The following PTGFR variants were observed in gnomAD, a reference collection of about 807,000 sequenced individuals.
PTGFR encodes the protein prostaglandin F receptor.
PTGFR carries 15 observed loss-of-function variants against 26.2 expected under a neutral mutation model. The observed-to-expected ratio is 0.57, with a 90% CI of 0.38 to 0.88. The LOEUF (loss-of-function observed/expected upper bound fraction) is 0.88. Ranked by LOEUF, PTGFR falls within the 40% of genes least tolerant of loss-of-function variation. The pLI, the probability that PTGFR is intolerant of heterozygous loss-of-function variation, is 0.00. For missense variants in PTGFR, 369 were observed against 427.2 expected (o/e 0.86, Z 1.20); for synonymous variants, 165 against 151.1 (o/e 1.09, Z -0.68).
chr1:78,518,177 A>T (rs1277614261), intron 2 of PTGFR, among the ~76,000 whole-genome samples: 1 of 151,682 alleles, frequency 6.6e-6, no homozygotes, highest in Non-Finnish European at 1.5e-5. Flanking sequence ...ATGGCTTAAA[A>T]CACAATTATG....
chr1:78,533,548 A>G lies in PTGFR; in HGVS notation c.799-2858A>G, dbSNP rs1484517347. Among the ~76,000 whole-genome samples the G allele has an allele frequency of 7.2e-5, 11 of 152,282 alleles. No individual in the cohort carries two copies. The South Asian group carries it at 2.1e-3, about 29-fold the overall frequency. ...TCAGTTACATTTCTGTTTTACTCAC[A>G]TTAACTTGGGTCTTGGCGGTAGTGC... On this transcript the variant is annotated intron_variant, in intron 2 of 2. Transcript: ENST00000370757.
intron 2 of PTGFR, among the ~76,000 whole-genome samples, chr1:78,518,893 G>T (rs1272229064): frequency 6.6e-6 from 1 of 152,086 alleles, no homozygotes; most frequent in Non-Finnish European, 1.5e-5. Context: ...AAGTAAAAGA[G>T]ACAGAGCACC....
At chr1:78,531,910 C>T (rs563909862) in intron 2 of PTGFR, among the ~76,000 whole-genome samples, 2 of 152,070 alleles carry the variant, frequency 1.3e-5, no homozygotes, top group East Asian at 3.9e-4. Flanking sequence ...TCAATATGTT[C>T]TACATATTAT....
chr1:78,526,751 G>GA (rs369243413), intron 2 of PTGFR, among the ~76,000 whole-genome samples: 1 of 152,178 alleles, frequency 6.6e-6, no homozygotes, highest in African/African-American at 2.4e-5. Flanking sequence ...CCTGTATTGT[G>GA]AATGAGGTGC....
At chr1:78,536,220 A>G (rs1650648401) in intron 2 of PTGFR, among the ~76,000 whole-genome samples, 186 bp from the exon 3 acceptor site, 1 of 152,118 alleles carries the variant, frequency 6.6e-6, no homozygotes, top group African/African-American at 2.4e-5. Context: ...TGTCAATTTG[A>G]ATTAAAATGA....
rs183193004 is a variant in PTGFR, at chr1:78,516,576, C to T, written c.799-19830C>T. On this transcript the variant is annotated intron_variant, in intron 2 of 2. Transcript: ENST00000370757. ...AATAATGTTTTAAAAGTAATTTTTGCTTCTCTTCTCCCTTCCAGAGCATTG... is the reference window on the plus strand; with the variant it reads ...AATAATGTTTTAAAAGTAATTTTTGTTTCTCTTCTCCCTTCCAGAGCATTG... 1.3e-3 allele frequency among the ~76,000 whole-genome samples: 192 copies of T among 152,222 alleles called. 1 individual carries two copies. The highest frequency in any genetic ancestry group is 2.0e-3 in the Non-Finnish European group (138 of 68,000).
chr1:78,518,567 GACACACACACACAC>G (rs57447321), intron 2 of PTGFR, among the ~76,000 whole-genome samples: 8,377 of 137,914 alleles, frequency 0.061, 344 homozygotes, highest in Admixed American at 0.14. Flanking sequence ...CAGTATAAAA[GACACACACACACAC>G]ACACACACAC....
chr1:78,516,281 C>A (rs1054248153), intron 2 of PTGFR, among the ~76,000 whole-genome samples: 5 of 152,228 alleles, frequency 3.3e-5, no homozygotes, highest in African/African-American at 9.6e-5. Context: ...CTAAGGGATA[C>A]AATCATATAA....
chr1:78,533,246 T>C (rs536921126), intron 2 of PTGFR, among the ~76,000 whole-genome samples: 1 of 152,328 alleles, frequency 6.6e-6, no homozygotes, highest in Non-Finnish European at 1.5e-5. Flanking sequence ...AATTAAAATA[T>C]GTTGAGTAAA....
chr1:78,521,650 A>G (rs1184728315), intron 2 of PTGFR, among the ~76,000 whole-genome samples: 1 of 152,114 alleles, frequency 6.6e-6, no homozygotes, highest in African/African-American at 2.4e-5. Context: ...TTTAGGTAAC[A>G]AAAGTTTATC....
intron 2 of PTGFR, among the ~76,000 whole-genome samples, chr1:78,499,094 C>T (rs967067682): frequency 6.6e-6 from 1 of 152,164 alleles, no homozygotes; most frequent in African/African-American, 2.4e-5. Context: ...GAATGACCAA[C>T]CATAGCTAGC....
chr1:78,535,461 C>T (rs1338960545), intron 2 of PTGFR, among the ~76,000 whole-genome samples: 1 of 152,048 alleles, frequency 6.6e-6, no homozygotes, highest in Non-Finnish European at 1.5e-5. Flanking sequence ...AGTAATGGGT[C>T]TTGATTTTCT....
At position 78,538,144 on chromosome 1, in the gene PTGFR, C is replaced by T. The variant is rs1326728739; in HGVS notation, c.*1457C>T. 6.6e-6 allele frequency: 1 copy of T among 152,046 alleles called. No individual in the cohort carries two copies. The highest frequency in any genetic ancestry group is 1.5e-5 in the Non-Finnish European group (1 of 67,988). 9.4% of individuals were successfully genotyped at this position (152,046 alleles called of 1,614,324 possible). On this transcript the variant is annotated 3_prime_UTR_variant, in exon 3 of 3. Transcript: ENST00000370757. ...GCAGAGAATTTATTTCATACAGTTA[C>T]TTAAGAGTGTTGATGTCTTGTGAAC...
Position 78,536,880 on chromosome 1 carries a change from T to C in PTGFR, c.*193T>C, listed in dbSNP as rs528532435. The C allele has an allele frequency of 4.7e-6, 3 of 643,592 alleles. No individual in the cohort carries two copies. Among genetic ancestry groups the C allele is most frequent in the Non-Finnish European group, 7.5e-6 (3 of 401,626 alleles). 39.9% of individuals were successfully genotyped at this position (643,592 alleles called of 1,614,324 possible). ...ATAACTGTACATTTTTCACTTGTTT[T>C]TGCCAATGGGAGGTAGACACAATAA... is the stretch of plus-strand genomic sequence containing the variant. On this transcript the variant is annotated 3_prime_UTR_variant, in exon 3 of 3. Coordinates refer to ENST00000370757, the MANE Select transcript of PTGFR (RefSeq NM_000959.4).
intron 2 of PTGFR, among the ~76,000 whole-genome samples, chr1:78,505,643 A>C (rs1649811291): frequency 6.6e-6 from 1 of 152,198 alleles, no homozygotes; most frequent in African/African-American, 2.4e-5. Flanking sequence ...TATCTTGTAC[A>C]GAACATTTTT....
At position 78,536,694 on chromosome 1, in the gene PTGFR, A is replaced by G; in HGVS notation, c.*7A>G. ...GAAATCAGCAAGCACCTAGCTTAAT[A>G]GGACAGTAAATCTGTGTGGGGCTAG... On this transcript the variant is annotated 3_prime_UTR_variant, in exon 3 of 3. Coordinates refer to ENST00000370757, the MANE Select transcript of PTGFR (RefSeq NM_000959.4). The G allele has an allele frequency of 6.2e-7, 1 of 1,608,274 alleles. No individual in the cohort carries two copies. The highest frequency in any genetic ancestry group is 8.5e-7 in the Non-Finnish European group (1 of 1,177,638).
chr1:78,539,151 C>G lies in PTGFR; in HGVS notation c.*2464C>G, dbSNP rs1463421932. On this transcript the variant is annotated 3_prime_UTR_variant, in exon 3 of 3. Coordinates refer to ENST00000370757, the MANE Select transcript of PTGFR (RefSeq NM_000959.4). Reference sequence around the variant, plus strand: ...GTTAACTAGGTGAAAGAAATGGGCCCTTATTTTTTTTTTTCCCTAGAGGCA... The same window carrying G: ...GTTAACTAGGTGAAAGAAATGGGCCGTTATTTTTTTTTTTCCCTAGAGGCA... The G allele has an allele frequency of 2.0e-5, 3 of 151,498 alleles. No individual in the cohort carries two copies. The highest frequency in any genetic ancestry group is 4.4e-5 in the Non-Finnish European group (3 of 67,856). The allele number at this position is 151,498 out of a possible 1,614,324, so 9.4% of individuals were successfully genotyped here. A position where few individuals can be genotyped will look rare whatever the true frequency, so the allele number is the denominator to read the frequency against.
At chr1:78,498,011 C>A (rs1649600296) in intron 2 of PTGFR, 2 of 1,185,008 alleles carry the variant, frequency 1.7e-6, no homozygotes, top group African/African-American at 3.1e-5. Context: ...CCTAAGGTTA[C>A]TCTTATGCTA....
intron 2 of PTGFR, among the ~76,000 whole-genome samples, chr1:78,510,553 C>G (rs1443038719): frequency 6.6e-6 from 1 of 152,164 alleles, no homozygotes; most frequent in Non-Finnish European, 1.5e-5. Context: ...AGGATGAATT[C>G]ACCTCCCACC....
Sources: gnomAD v4.1 joint callset for allele counts (sites outside exome capture counted in the v4.1 genomes callset) on GRCh38, gnomAD v4.1.1 for gene constraint, MANE v1.5 for transcripts, NCBI Gene and HGNC (gene_info 2026-07-23, HGNC 2026-07-21) for gene names.